Variants in ENOX1 observed in about 807,000 individuals in gnomAD.
ENOX1 encodes candidate growth-related and time keeping constitutive hydroquinone (NADH) oxidase.
ENOX1 carries 42 observed loss-of-function variants against 82.5 expected under a neutral mutation model. That is an observed-to-expected ratio of 0.51 (90% CI 0.40 to 0.66). The LOEUF (loss-of-function observed/expected upper bound fraction) is 0.66. Among genes scored for constraint, ENOX1 ranks in the 30% least tolerant of loss-of-function variants. The pLI is 0.00. For missense variants in ENOX1, 608 were observed against 811.6 expected (o/e 0.75, Z 3.05); for synonymous variants, 271 against 282.2 (o/e 0.96, Z 0.40).
chr13:43,441,954 T>C (rs1246769868), intron 3 of ENOX1, among the ~76,000 whole-genome samples: 2 of 152,116 alleles, frequency 1.3e-5, no homozygotes, highest in African/African-American at 2.4e-5. Context: ...TTAATTAAAA[T>C]TGGGTAGAGG....
chr13:43,513,121 C>T lies in ENOX1; in HGVS notation c.-218-28969G>A, dbSNP rs184545369. 3.0e-3 allele frequency among the ~76,000 whole-genome samples: 450 copies of T among 152,110 alleles called. 1 individual carries two copies. Among genetic ancestry groups the T allele is most frequent in the Middle Eastern group, 0.027 (8 of 294 alleles). On this transcript the variant is annotated intron_variant, in intron 2 of 16. Coordinates refer to ENST00000690772, the MANE Select transcript of ENOX1 (RefSeq NM_001347969.2). The stretch of plus-strand genomic sequence containing the variant: ...GCCAGGAGTTCAAGAGCAGCATGGT[C>T]AACATGGCGAAACCCTGTCTCTATT...
chr13:43,630,744 C>T (rs1474501119), intron 2 of ENOX1, among the ~76,000 whole-genome samples: 1 of 151,546 alleles, frequency 6.6e-6, no homozygotes, highest in African/African-American at 2.4e-5. Flanking sequence ...AATGGAACTC[C>T]ACATAATACT....
chr13:43,499,669 G>A (rs1283765490), intron 2 of ENOX1, among the ~76,000 whole-genome samples: 1 of 151,892 alleles, frequency 6.6e-6, no homozygotes, highest in East Asian at 1.9e-4. Context: ...TTCTTCAAGT[G>A]CACAGACACC....
intron 5 of ENOX1, among the ~76,000 whole-genome samples, chr13:43,364,608 A>C (rs1159523619): frequency 1.3e-5 from 2 of 152,264 alleles, no homozygotes; most frequent in Non-Finnish European, 2.9e-5. Context: ...CAATTGGATG[A>C]GCATTTTTCA....
At chr13:43,583,837 T>A (rs1270715668) in intron 2 of ENOX1, among the ~76,000 whole-genome samples, 1 of 144,980 alleles carries the variant, frequency 6.9e-6, no homozygotes, top group African/African-American at 2.5e-5. Flanking sequence ...TTTTTTTTTT[T>A]AGGGTAAGGG....
intron 2 of ENOX1, among the ~76,000 whole-genome samples, chr13:43,512,626 T>G (rs1191088050): frequency 2.0e-5 from 3 of 151,858 alleles, no homozygotes; most frequent in Non-Finnish European, 2.9e-5. Context: ...GGGTTTTTTT[T>G]TTTTTTTTTT....
chr13:43,480,191 G>A (rs946359278), intron 3 of ENOX1, among the ~76,000 whole-genome samples: 8 of 151,998 alleles, frequency 5.3e-5, no homozygotes, highest in Admixed American at 1.3e-4. Context: ...CACCCGCCTC[G>A]GCCTCCCAAA....
chr13:43,298,034 C>T (rs2046370431), intron 12 of ENOX1, among the ~76,000 whole-genome samples: 1 of 152,244 alleles, frequency 6.6e-6, no homozygotes. Flanking sequence ...ATGCTTGTAT[C>T]ATGCAGGGAT....
chr13:43,266,939 T>A (rs551083172), intron 13 of ENOX1, among the ~76,000 whole-genome samples: 17 of 152,282 alleles, frequency 1.1e-4, no homozygotes, highest in African/African-American at 3.6e-4. Flanking sequence ...TTTACCAACA[T>A]AAATGTGCCA....
chr13:43,720,140 T>G (rs2088472062), intron 1 of ENOX1, among the ~76,000 whole-genome samples: 1 of 152,208 alleles, frequency 6.6e-6, no homozygotes, highest in Non-Finnish European at 1.5e-5. Context: ...AAGTCTGACG[T>G]TTCTCTCAGG....
intron 5 of ENOX1, among the ~76,000 whole-genome samples, chr13:43,373,942 C>T (rs1228052077): frequency 6.6e-6 from 1 of 152,150 alleles, no homozygotes; most frequent in African/African-American, 2.4e-5. Context: ...CAGTGTTGAT[C>T]CCTCAACATT....
At chr13:43,571,543 A>C (rs952927665) in intron 2 of ENOX1, among the ~76,000 whole-genome samples, 2 of 151,410 alleles carry the variant, frequency 1.3e-5, no homozygotes, top group Non-Finnish European at 2.9e-5. Context: ...ATACAAAATT[A>C]GCCGGGCGTG....
chr13:43,570,123 T>C (rs79161276), intron 2 of ENOX1, among the ~76,000 whole-genome samples: 1,904 of 152,282 alleles, frequency 0.013, 33 homozygotes, highest in African/African-American at 0.044. Flanking sequence ...GGAATAGTGA[T>C]AATATTATCC....
At chr13:43,737,246 C>T (rs540170727) in intron 1 of ENOX1, among the ~76,000 whole-genome samples, 10 of 152,320 alleles carry the variant, frequency 6.6e-5, no homozygotes, top group African/African-American at 2.4e-4. Flanking sequence ...AACAAGAAGA[C>T]CTGCCACTTC....
chr13:43,355,357 T>A (rs1210178364), intron 8 of ENOX1, among the ~76,000 whole-genome samples: 1 of 152,216 alleles, frequency 6.6e-6, no homozygotes, highest in Admixed American at 6.5e-5. Flanking sequence ...ATCCTGTAAA[T>A]GTTGCATGTG....
At chr13:43,291,384 T>C (rs183419205) in intron 12 of ENOX1, among the ~76,000 whole-genome samples, 11 of 152,370 alleles carry the variant, frequency 7.2e-5, no homozygotes, top group East Asian at 5.8e-4. Flanking sequence ...GCAAGTTCAC[T>C]ATCTATCTTT....
chr13:43,451,400 G>A (rs1285132883), intron 3 of ENOX1, among the ~76,000 whole-genome samples: 1 of 152,040 alleles, frequency 6.6e-6, no homozygotes, highest in Non-Finnish European at 1.5e-5. Flanking sequence ...AGTACACAGG[G>A]CACTCCTCTG....
At chr13:43,341,218 A>AC (rs1450637572) in intron 9 of ENOX1, among the ~76,000 whole-genome samples, 3 of 151,494 alleles carry the variant, frequency 2.0e-5, no homozygotes, top group Non-Finnish European at 2.9e-5. Flanking sequence ...AATCATTTGA[A>AC]CCCGGAGGCA....
At chr13:43,438,352 G>T (rs1396635833) in intron 3 of ENOX1, among the ~76,000 whole-genome samples, 2 of 152,176 alleles carry the variant, frequency 1.3e-5, no homozygotes. Context: ...GAGATGAAGA[G>T]AGGGAACAGA....
Sources: gnomAD v4.1 joint callset for allele counts (sites outside exome capture counted in the v4.1 genomes callset) on GRCh38, gnomAD v4.1.1 for gene constraint, MANE v1.5 for transcripts, NCBI Gene and HGNC (gene_info 2026-07-23, HGNC 2026-07-21) for gene names.